The following ATP2A3 variants were observed in gnomAD, a reference collection of about 807,000 sequenced individuals.
ATP2A3 encodes the protein sarcoplasmic/endoplasmic reticulum calcium ATPase 3.
Under a neutral mutation model 106.8 loss-of-function variants are expected in ATP2A3, and 61 were observed. The ratio of observed to expected loss-of-function variants is 0.57; its 90% CI spans 0.46 to 0.71. The LOEUF is 0.71. ATP2A3 is among the 30% of genes least tolerant of loss of function. The pLI is 0.00. For missense variants in ATP2A3, 1,201 were observed against 1,423.5 expected, an observed-to-expected ratio of 0.84 and a Z score of 2.52; for synonymous variants, 611 against 609.3, an observed-to-expected ratio of 1.00 and a Z score of -0.04.
intron 20 of ATP2A3, chr17:3,927,627 C>G: frequency 2.0e-6 from 2 of 985,438 alleles, no homozygotes; most frequent in Non-Finnish European, 2.4e-6. Context: ...CAGAAAGAAC[C>G]AGACAGGGGG....
chr17:3,938,615 G>A (rs143518490), intron 14 of ATP2A3, among the ~76,000 whole-genome samples: 1,788 of 150,888 alleles, frequency 0.012, 39 homozygotes, highest in African/African-American at 0.041. Flanking sequence ...GCACAATCTC[G>A]GCTCACTGCA....
chr17:3,941,361 C>T, intron 13 of ATP2A3, 55 bp from the exon 14 acceptor site: 2 of 1,613,788 alleles, frequency 1.2e-6, no homozygotes, highest in South Asian at 2.2e-5. Context: ...GACCTACCAC[C>T]TGCTCAGCTG....
rs368756051 is a variant in ATP2A3, at chr17:3,950,779, C to A, written c.464-6G>T. 2 of 1,612,476 alleles carry A rather than the reference C, an allele frequency of 1.2e-6. No individual in the cohort carries two copies. Among genetic ancestry groups the A allele is most frequent in the Non-Finnish European group, 1.7e-6 (2 of 1,179,694 alleles). ...AGCAGGCACTTTGTCCCCCACTGTG[C>A]GGGGAGAATGGCTTGGCTGAGGGTG... On this transcript the variant is annotated splice_polypyrimidine_tract_variant and splice_region_variant and intron_variant, in intron 5 of 20. Coordinates refer to ENST00000397041, the MANE Select transcript of ATP2A3 (RefSeq NM_005173.4).
intron 11 of ATP2A3, 70 bp downstream of exon 11, chr17:3,943,317 CCTGT>C: frequency 1.3e-6 from 2 of 1,593,872 alleles, no homozygotes; most frequent in Non-Finnish European, 1.7e-6. Context: ...ACTTCAGTGT[CCTGT>C]CTGCCTTCTC....
chr17:3,951,550 C>CG (rs1420775673), intron 4 of ATP2A3, 31 bp downstream of exon 4: 2 of 1,290,316 alleles, frequency 1.6e-6, no homozygotes, highest in African/African-American at 1.5e-5. Flanking sequence ...GAGACCGCCC[C>CG]CCGCCCGGTC....
Position 3,964,302 on chromosome 17 carries a change from C to T in ATP2A3, c.-11G>A, listed in dbSNP as rs1382842214. ...ATGCGCCGCCTCCATGCCGCCCGCC[C>T]GGCCGTCTGCGCCGTCCGCACCGTC... On this transcript the variant is annotated 5_prime_UTR_variant, in exon 1 of 21. Coordinates refer to ENST00000397041, the MANE Select transcript of ATP2A3 (RefSeq NM_005173.4). 5 of 1,242,944 alleles carry T rather than the reference C, an allele frequency of 4.0e-6. No homozygotes were observed. The highest frequency in any genetic ancestry group is 5.1e-6 in the Non-Finnish European group (5 of 978,980). The allele number at this position is 1,242,944 out of a possible 1,614,324, so 77.0% of individuals were successfully genotyped here. A position where few individuals can be genotyped will look rare whatever the true frequency, so the allele number is the denominator to read the frequency against.
At chr17:3,950,842 T>A (rs928295474) in intron 5 of ATP2A3, 69 bp from the exon 6 acceptor site, 26 of 1,493,592 alleles carry the variant, frequency 1.7e-5, no homozygotes, top group Non-Finnish European at 2.3e-5. Context: ...CCAGAAGGGT[T>A]CCCAGAACCC....
chr17:3,935,149 C>T (rs371303713), intron 17 of ATP2A3, 43 bp downstream of exon 17: 56 of 1,600,928 alleles, frequency 3.5e-5, no homozygotes, highest in Non-Finnish European at 4.6e-5. Flanking sequence ...TCCAACAACT[C>T]GAGCTGTAAG....
At chr17:3,959,190 C>T (rs866680644) in intron 1 of ATP2A3, among the ~76,000 whole-genome samples, 3 of 152,136 alleles carry the variant, frequency 2.0e-5, no homozygotes, top group Non-Finnish European at 4.4e-5. Context: ...CTAGCCACCG[C>T]GCCCGGCCTT....
intron 17 of ATP2A3, among the ~76,000 whole-genome samples, chr17:3,931,486 C>CTCT (rs2053081366): frequency 6.6e-6 from 1 of 151,474 alleles, no homozygotes; most frequent in Non-Finnish European, 1.5e-5. Flanking sequence ...ATAGATCCTG[C>CTCT]TCTTGGGAGT....
intron 4 of ATP2A3, 23 bp downstream of exon 4, chr17:3,951,558 G>GTACCCCCCCCCCT: frequency 1.4e-6 from 1 of 716,234 alleles, no homozygotes; most frequent in Non-Finnish European, 2.1e-6. Context: ...CCCCCGCCCG[G>GTACCCCCCCCCCT]TCCCACCCCC....
In ATP2A3 at chr17:3,930,803, C is replaced by T; in HGVS notation, c.2611-369G>A. The stretch of plus-strand genomic sequence containing the variant: ...AAAACCATGCGGGAGTGGAATTCAC[C>T]TTTGCGGTATAGAAGATGAAGGCTA... On this transcript the variant is annotated intron_variant, in intron 17 of 20. Transcript: ENST00000397041. The surrounding 1 kb of genome is among the most constrained non-coding windows in gnomAD (Gnocchi z 5.4). 1 of 375,846 alleles carries T rather than the reference C, an allele frequency of 2.7e-6. No homozygotes were observed. The highest frequency in any genetic ancestry group is 2.1e-5 in the South Asian group (1 of 47,064). 23.3% of individuals were successfully genotyped at this position (375,846 alleles called of 1,614,324 possible).
In ATP2A3 at chr17:3,925,484, G is replaced by A. The variant is rs759671750; in HGVS notation, c.2981-43C>T. ...GAGCGCGTTAAGATGTATGTGTAAG[G>A]GCACACATCCAGACAGCTTCCTTCC... is the stretch of plus-strand genomic sequence containing the variant. On this transcript the variant is annotated intron_variant, in intron 20 of 20. Coordinates refer to ENST00000397041, the MANE Select transcript of ATP2A3 (RefSeq NM_005173.4). This position sits in a 1 kb window ranked among gnomAD's most constrained non-coding sequence, Gnocchi z 4.2. 3.8e-6 allele frequency: 6 copies of A among 1,596,258 alleles called. No homozygotes were observed. Among genetic ancestry groups the A allele is most frequent in the Middle Eastern group, 1.7e-4 (1 of 6,034 alleles).
chr17:3,936,956 C>T lies in ATP2A3; in HGVS notation c.2321+460G>A, dbSNP rs558545581. 1.7e-4 allele frequency: 54 copies of T among 325,086 alleles called. No individual in the cohort carries two copies. Among genetic ancestry groups the T allele is most frequent in the Non-Finnish European group, 2.6e-4 (43 of 166,956 alleles). The allele number at this position is 325,086 out of a possible 1,614,324, so 20.1% of individuals were successfully genotyped here. A position where few individuals can be genotyped will look rare whatever the true frequency, so the allele number is the denominator to read the frequency against. ...GAATACGAGTGTGTGCACAGTCACA[C>T]GCCGGCACAAATCCTTCTGCTTGTA... On this transcript the variant is annotated intron_variant, in intron 15 of 20. Coordinates refer to ENST00000397041, the MANE Select transcript of ATP2A3 (RefSeq NM_005173.4). The surrounding 1 kb of genome is among the most constrained non-coding windows in gnomAD (Gnocchi z 5.4).
rs528862440 is a variant in ATP2A3, at chr17:3,924,541, G to C, written c.*881C>G. ...ACTGGGCTGGGTAGAAGGGCGCCAC[G>C]GTCAGGAACCTGAGGATGTCGGTGG... On this transcript the variant is annotated 3_prime_UTR_variant, in exon 21 of 21. Transcript: ENST00000397041. The surrounding 1 kb of genome is among the most constrained non-coding windows in gnomAD (Gnocchi z 6.4). 1.2e-5 allele frequency: 4 copies of C among 344,264 alleles called. No individual in the cohort carries two copies. Among genetic ancestry groups the C allele is most frequent in the Non-Finnish European group, 1.7e-5 (3 of 173,074 alleles). 21.3% of individuals were successfully genotyped at this position (344,264 alleles called of 1,614,324 possible).
At chr17:3,941,747 G>C (rs1047737062) in intron 12 of ATP2A3, 93 bp from the exon 13 acceptor site, 2 of 1,344,766 alleles carry the variant, frequency 1.5e-6, no homozygotes, top group Admixed American at 1.9e-5. Context: ...ACTAAGATAC[G>C]GGCAAAGGCC....
chr17:3,951,639 A>G lies in ATP2A3; in HGVS notation c.266T>C (p.Val89Ala). ...GATCAGCATGATGACCAGGGGCTCC[A>G]CGAAGGCGGTCGTGGTCTCCTCGCC... ...EEGEETTTAFVEPLVIMLILV... is the reference protein window; with the variant it reads ...EEGEETTTAFAEPLVIMLILV... Residue 89 changes from valine to alanine, a missense_variant, in exon 4 of 21, where the codon GTG (valine) becomes GCG (alanine). Physicochemically the swap from Val to Ala is moderately conservative, Grantham distance 64. This residue lies in a region of ATP2A3 where 266 missense variants were observed against 246.8 expected (regional missense o/e 1.08). Coordinates refer to ENST00000397041, the MANE Select transcript of ATP2A3 (RefSeq NM_005173.4). 6.3e-7 allele frequency: 1 copy of G among 1,581,330 alleles called. No individual in the cohort carries two copies.
chr17:3,941,375 C>A lies in ATP2A3; in HGVS notation c.1764+61G>T, dbSNP rs564792703. On this transcript the variant is annotated intron_variant, in intron 13 of 20. Transcript: ENST00000397041. ...TGACCTACCACCTGCTCAGCTGCTG[C>A]AGGGAGACTTGGCTCCTGCACCCAC... 29 of 1,613,798 alleles carry A rather than the reference C, an allele frequency of 1.8e-5. No homozygotes were observed. In the African/African-American group the frequency reaches 3.7e-4, roughly 21 times the overall value.
Position 3,936,635 on chromosome 17 carries a change from T to C in ATP2A3, c.2322-166A>G. Reference sequence around the variant, plus strand: ...TGTGAAGGGTGTGTGTACACAGCTCTGCCTCGGGCCTGGCCAGTCCTGCCT... The same window carrying C: ...TGTGAAGGGTGTGTGTACACAGCTCCGCCTCGGGCCTGGCCAGTCCTGCCT... On this transcript the variant is annotated intron_variant, in intron 15 of 20. Transcript: ENST00000397041. The surrounding 1 kb of genome is among the most constrained non-coding windows in gnomAD (Gnocchi z 5.4). The C allele has an allele frequency of 2.7e-6, 2 of 749,682 alleles. No homozygotes were observed. The highest frequency in any genetic ancestry group is 4.2e-5 in the Admixed American group (2 of 48,022). The allele number at this position is 749,682 out of a possible 1,614,324, so 46.4% of individuals were successfully genotyped here. A position where few individuals can be genotyped will look rare whatever the true frequency, so the allele number is the denominator to read the frequency against.
Sources: allele counts gnomAD v4.1 joint callset (sites outside exome capture counted in the v4.1 genomes callset), GRCh38; gene constraint gnomAD v4.1.1; regional missense constraint gnomAD v4.1.1; non-coding constraint Gnocchi (gnomAD v3.1); transcripts MANE v1.5; gene names NCBI Gene and HGNC (gene_info 2026-07-23, HGNC 2026-07-21).